The following CPT1A variants were observed in gnomAD, a reference collection of about 807,000 sequenced individuals.
The protein encoded by CPT1A is carnitine palmitoyltransferase 1A.
In CPT1A, 64 loss-of-function variants were observed where a neutral mutation model predicts 100.8. The observed-to-expected ratio is 0.63, with a 90% confidence interval of 0.52 to 0.78. The LOEUF (loss-of-function observed/expected upper bound fraction) is 0.78, where lower values mean the gene tolerates loss of function less well. Among genes scored for constraint, CPT1A ranks in the 30% least tolerant of loss-of-function variants. CPT1A has a pLI of 0.00. For missense variants in CPT1A, 802 were observed against 1,034.1 expected, an observed-to-expected ratio of 0.78 and a Z score of 3.08; for synonymous variants, 363 against 396.0, an observed-to-expected ratio of 0.92 and a Z score of 0.99.
intron 1 of CPT1A, among the ~76,000 whole-genome samples, chr11:68,822,007 T>C (rs755907331): frequency 1.3e-5 from 2 of 152,044 alleles, no homozygotes; most frequent in East Asian, 1.9e-4. Flanking sequence ...TGTGGAGAAA[T>C]CAGAATTCTC....
At chr11:68,800,868 A>G (rs1005632170) in intron 5 of CPT1A, among the ~76,000 whole-genome samples, 11 of 152,128 alleles carry the variant, frequency 7.2e-5, no homozygotes, top group Admixed American at 5.9e-4. Context: ...TAACCCCAGC[A>G]CTTTGGGAGG....
chr11:68,778,878 C>T (rs141532011), intron 12 of CPT1A, among the ~76,000 whole-genome samples: 17 of 151,632 alleles, frequency 1.1e-4, no homozygotes, highest in African/African-American at 2.2e-4. Context: ...CTCTGCCTCC[C>T]GGGTTCACGC....
At chr11:68,809,056 CT>C (rs1351154691) in intron 3 of CPT1A, among the ~76,000 whole-genome samples, 1 of 151,754 alleles carries the variant, frequency 6.6e-6, no homozygotes, top group Non-Finnish European at 1.5e-5. Flanking sequence ...TAATTTAACA[CT>C]GCATAATATT....
chr11:68,812,393 T>A (rs1200550474), intron 3 of CPT1A, 44 bp downstream of exon 3: 1 of 1,611,974 alleles, frequency 6.2e-7, no homozygotes, highest in Admixed American at 1.7e-5. Flanking sequence ...AGCAATAAAA[T>A]CGGTAACTTC....
chr11:68,822,965 G>A (rs575528783), intron 1 of CPT1A, among the ~76,000 whole-genome samples: 7 of 152,274 alleles, frequency 4.6e-5, no homozygotes, highest in Middle Eastern at 6.8e-3. Flanking sequence ...GTAAGGAGTT[G>A]GGGGTATCTT....
intron 10 of CPT1A, among the ~76,000 whole-genome samples, chr11:68,784,417 C>T (rs565695557): frequency 6.6e-6 from 1 of 152,210 alleles, no homozygotes; most frequent in East Asian, 1.9e-4. Flanking sequence ...TGGCGCACTC[C>T]CAGCTACTGG....
At chr11:68,786,600 G>A (rs903709697) in intron 9 of CPT1A, among the ~76,000 whole-genome samples, 5 of 152,124 alleles carry the variant, frequency 3.3e-5, no homozygotes, top group South Asian at 2.1e-4. Flanking sequence ...GCGCGATCTC[G>A]GCTCACTGCA....
intron 14 of CPT1A, among the ~76,000 whole-genome samples, chr11:68,768,098 G>T (rs1345132564): frequency 2.8e-5 from 2 of 70,540 alleles, no homozygotes; most frequent in Non-Finnish European, 2.3e-5. Flanking sequence ...TTTTTTGAGA[G>T]GGAGTCTCGC....
chr11:68,794,671 A>G (rs1041116283), intron 8 of CPT1A, 133 bp downstream of exon 8: 11 of 806,148 alleles, frequency 1.4e-5, no homozygotes, highest in South Asian at 2.9e-5. Context: ...TTGGCCTCCC[A>G]AAGTGCCAAG....
intron 1 of CPT1A, among the ~76,000 whole-genome samples, chr11:68,831,007 A>G (rs928286966): frequency 1.3e-5 from 2 of 152,222 alleles, no homozygotes; most frequent in Non-Finnish European, 2.9e-5. Context: ...GTGGGGGGGA[A>G]GGTGATAACA....
intron 10 of CPT1A, among the ~76,000 whole-genome samples, chr11:68,783,424 C>G (rs985184796): frequency 6.6e-6 from 1 of 152,140 alleles, no homozygotes; most frequent in Non-Finnish European, 1.5e-5. Flanking sequence ...TCTGCTACCC[C>G]GGGGCATGCG....
intron 1 of CPT1A, among the ~76,000 whole-genome samples, chr11:68,831,872 A>G (rs1856889131): frequency 6.6e-6 from 1 of 151,876 alleles, no homozygotes; most frequent in African/African-American, 2.4e-5. Flanking sequence ...ACCCCAAGCG[A>G]TCCGTCTGCC....
At chr11:68,826,441 C>CAAAAAA (rs1225143166) in intron 1 of CPT1A, among the ~76,000 whole-genome samples, 1 of 125,552 alleles carries the variant, frequency 8.0e-6, no homozygotes, top group Non-Finnish European at 1.7e-5. Flanking sequence ...GACTCCGTCT[C>CAAAAAA]AAAAAAAAAA....
chr11:68,763,158 A>G (rs556476890), intron 14 of CPT1A, among the ~76,000 whole-genome samples: 1 of 152,256 alleles, frequency 6.6e-6, no homozygotes, highest in South Asian at 2.1e-4. Flanking sequence ...CTATTGTCGA[A>G]TCATATTTTC....
intron 2 of CPT1A, among the ~76,000 whole-genome samples, chr11:68,813,696 C>A (rs866076447): frequency 1.2e-3 from 162 of 136,698 alleles, no homozygotes; most frequent in South Asian, 1.7e-3. Context: ...GACCCTGTCT[C>A]AAAAAAAAAA....
At chr11:68,830,092 C>T (rs1449120683) in intron 1 of CPT1A, among the ~76,000 whole-genome samples, 3 of 152,204 alleles carry the variant, frequency 2.0e-5, no homozygotes, top group East Asian at 1.9e-4. Flanking sequence ...GCCTGGCCAA[C>T]GTGGCAAAAC....
At chr11:68,762,509 AC>A in intron 15 of CPT1A, 117 bp downstream of exon 15, 1 of 1,287,160 alleles carries the variant, frequency 7.8e-7, no homozygotes, top group South Asian at 1.2e-5. Context: ...TGAATTGAGC[AC>A]CCCTAAAGAA....
At chr11:68,785,157 T>A in intron 9 of CPT1A, 147 bp from the exon 10 acceptor site, 2 of 721,490 alleles carry the variant, frequency 2.8e-6, no homozygotes, top group South Asian at 3.0e-5. Context: ...CCTCAAGACG[T>A]TTTAAATGAT....
intron 14 of CPT1A, among the ~76,000 whole-genome samples, chr11:68,768,520 C>T (rs568919530): frequency 1.7e-4 from 26 of 152,000 alleles, no homozygotes; most frequent in East Asian, 1.2e-3. Context: ...GTGATTCTCC[C>T]GCCTCAGCCT....
Sources: gnomAD v4.1 joint callset for allele counts (sites outside exome capture counted in the v4.1 genomes callset) on GRCh38, gnomAD v4.1.1 for gene constraint, MANE v1.5 for transcripts, NCBI Gene and HGNC (gene_info 2026-07-23, HGNC 2026-07-21) for gene names.